The following THOC2 variants were observed in gnomAD, a reference collection of about 807,000 sequenced individuals.
THOC2 encodes THO complex 2.
A neutral mutation model predicts 128.4 loss-of-function variants in THOC2; 10 were observed. The observed-to-expected ratio is 0.08, with a 90% CI of 0.05 to 0.13. THOC2 has a LOEUF of 0.13. Ranked by LOEUF, THOC2 falls within the 10% of genes least tolerant of loss-of-function variation. THOC2 has a pLI of 1.00. For synonymous variants in THOC2, 393 were observed against 396.9 expected (o/e 0.99, Z 0.12); for missense variants, 535 against 1,155.7 (o/e 0.46, Z 7.79).
At chrX:123,699,066 C>A (rs1041782057) in intron 4 of THOC2, among the ~76,000 whole-genome samples, 3 of 111,228 alleles carry the variant, frequency 2.7e-5, no homozygotes, top group African/African-American at 9.8e-5. Context: ...AAATGCCAAG[C>A]ACCAAAAATT....
intron 2 of THOC2, 75 bp from the exon 3 acceptor site, chrX:123,707,024 T>C: frequency 2.4e-6 from 1 of 413,897 alleles, no homozygotes; most frequent in Admixed American, 5.2e-5. Context: ...ATTTCCTACG[T>C]CTCAGAATTA....
chrX:123,618,105 T>C (rs1246509029), intron 33 of THOC2, among the ~76,000 whole-genome samples: 1 of 111,683 alleles, frequency 9.0e-6, no homozygotes. Context: ...TATGGAGAAC[T>C]CTGTTAGTAT....
intron 1 of THOC2, among the ~76,000 whole-genome samples, chrX:123,717,639 A>C (rs2051483833): frequency 9.2e-6 from 1 of 108,748 alleles, no homozygotes; most frequent in Non-Finnish European, 1.9e-5. Context: ...TCTCTATCAA[A>C]ACACCAATGC....
chrX:123,638,224 A>G (rs919168170), intron 17 of THOC2, 101 bp from the exon 18 acceptor site: 1 of 474,458 alleles, frequency 2.1e-6, no homozygotes, highest in African/African-American at 2.5e-5. Context: ...GGTCATTACA[A>G]ATTATTTTTC....
At chrX:123,615,004 G>A (rs1000630770) in intron 33 of THOC2, among the ~76,000 whole-genome samples, 5 of 111,769 alleles carry the variant, frequency 4.5e-5, no homozygotes, top group Non-Finnish European at 7.6e-5. Context: ...CCCTTCTTAG[G>A]TGAGTTGTAA....
intron 22 of THOC2, among the ~76,000 whole-genome samples, chrX:123,629,868 AAGAC>A (rs1281880795): frequency 8.9e-6 from 1 of 112,228 alleles, no homozygotes; most frequent in African/African-American, 3.2e-5. Flanking sequence ...ATCTGCATAA[AAGAC>A]AGCCTAATTA....
chrX:123,677,451 GTTT>G (rs1569412234), intron 8 of THOC2, among the ~76,000 whole-genome samples: 1 of 111,866 alleles, frequency 8.9e-6, no homozygotes, highest in Non-Finnish European at 1.9e-5. Context: ...TACCTTATAA[GTTT>G]TTTAATATTT....
At position 123,626,387 on chromosome X, in the gene THOC2, C is replaced by A. The variant is rs2047271496; in HGVS notation, c.2899+134G>T. The stretch of plus-strand genomic sequence containing the variant: ...GAACATGAAGTTGATTCTGCATTAA[C>A]AAATAACCAAAGAATGGGATAGGGA... On this transcript the variant is annotated intron_variant, in intron 24 of 38. Coordinates refer to ENST00000245838, the MANE Select transcript of THOC2 (RefSeq NM_001081550.2). The A allele has an allele frequency of 1.5e-5, 10 of 680,192 alleles. No homozygotes were observed. The South Asian group carries it at 3.3e-4, about 23-fold the overall frequency. The allele number at this position is 680,192 out of a possible 1,213,427, so 56.1% of individuals were successfully genotyped here.
chrX:123,622,738 A>T lies in THOC2; in HGVS notation c.3785+20T>A. Reference sequence around the variant, plus strand: ...TTTAAAAAGAATTTAGAATTATGACACATGGCACAGTGTTCCTACCTGTTA... The same window carrying T: ...TTTAAAAAGAATTTAGAATTATGACTCATGGCACAGTGTTCCTACCTGTTA... On this transcript the variant is annotated intron_variant, in intron 30 of 38. Transcript: ENST00000245838. The T allele has an allele frequency of 1.0e-6, 1 of 1,004,541 alleles. No individual in the cohort carries two copies. The highest frequency in any genetic ancestry group is 1.4e-6 in the Non-Finnish European group (1 of 724,286). 82.8% of individuals were successfully genotyped at this position (1,004,541 alleles called of 1,213,427 possible). A position where few individuals can be genotyped will look rare whatever the true frequency, so the allele number is the denominator to read the frequency against.
At chrX:123,665,034 T>C (rs1176687717) in intron 12 of THOC2, among the ~76,000 whole-genome samples, 2 of 111,455 alleles carry the variant, frequency 1.8e-5, no homozygotes, top group African/African-American at 6.5e-5. Context: ...TTGTCTGAAG[T>C]ATATTTTCCC....
chrX:123,698,752 G>A (rs1250889266), intron 4 of THOC2, among the ~76,000 whole-genome samples: 1 of 107,831 alleles, frequency 9.3e-6, no homozygotes, highest in African/African-American at 3.4e-5. Context: ...GCACACATCT[G>A]TAAGTACAGC....
At chrX:123,662,393 T>G (rs1300346078) in intron 12 of THOC2, among the ~76,000 whole-genome samples, 1 of 109,639 alleles carries the variant, frequency 9.1e-6, no homozygotes, top group Admixed American at 9.8e-5. Flanking sequence ...GAGACCATCC[T>G]GGCTAACACG....
intron 33 of THOC2, among the ~76,000 whole-genome samples, chrX:123,618,507 A>ATT (rs2046974124): frequency 8.9e-6 from 1 of 111,744 alleles, no homozygotes; most frequent in African/African-American, 3.2e-5. Context: ...CTGTTTCAAA[A>ATT]TTTCATTTGG....
chrX:123,687,661 C>T (rs968035840), intron 7 of THOC2, among the ~76,000 whole-genome samples: 1 of 111,768 alleles, frequency 8.9e-6, no homozygotes, highest in African/African-American at 3.2e-5. Context: ...TATATTAACG[C>T]CACACTTATT....
In THOC2 at chrX:123,623,112, C is replaced by T; in HGVS notation, c.3675G>A (p.Glu1225=). 1 of 1,204,973 alleles carries T rather than the reference C, an allele frequency of 8.3e-7. No individual in the cohort carries two copies. Among genetic ancestry groups the T allele is most frequent in the Non-Finnish European group, 1.1e-6 (1 of 892,389 alleles). The change falls in exon 29 of 39, where the codon GAG becomes GAA. Residue 1225 remains glutamate (E), a synonymous_variant. Coordinates refer to ENST00000245838, the MANE Select transcript of THOC2 (RefSeq NM_001081550.2). Reference sequence around the variant, plus strand: ...TTCTACAAATAAGCATACCAGTCTCCTCAGTACTGCTTTCATCCGATTTAG... The same window carrying T: ...TTCTACAAATAAGCATACCAGTCTCTTCAGTACTGCTTTCATCCGATTTAG... ...SASKSDESST[E]ETDKSRERSQ...
chrX:123,671,806 A>C, intron 8 of THOC2, 45 bp from the exon 9 acceptor site: 1 of 809,468 alleles, frequency 1.2e-6, no homozygotes, highest in Non-Finnish European at 1.8e-6. Context: ...CAGAAAGGAC[A>C]ATTAAAGCAA....
At chrX:123,646,000 T>C (rs1464879531) in intron 12 of THOC2, among the ~76,000 whole-genome samples, 1 of 112,135 alleles carries the variant, frequency 8.9e-6, no homozygotes, top group Non-Finnish European at 1.9e-5. Flanking sequence ...ATAATACATT[T>C]GCATTTTTCC....
At chrX:123,651,501 G>A (rs765155902) in intron 12 of THOC2, among the ~76,000 whole-genome samples, 1 of 111,079 alleles carries the variant, frequency 9.0e-6, no homozygotes, top group South Asian at 3.8e-4. Flanking sequence ...AAAGTATCAC[G>A]GAATCCAGAA....
intron 7 of THOC2, among the ~76,000 whole-genome samples, chrX:123,690,163 A>G (rs1187524127): frequency 2.7e-5 from 3 of 111,362 alleles, no homozygotes; most frequent in Non-Finnish European, 5.6e-5. Context: ...CTTCATTTAA[A>G]TAAGTATTAA....
Sources: allele counts gnomAD v4.1 joint callset (sites outside exome capture counted in the v4.1 genomes callset), GRCh38; gene constraint gnomAD v4.1.1; transcripts MANE v1.5; gene names NCBI Gene and HGNC (gene_info 2026-07-23, HGNC 2026-07-21).